LRRIQ3: variants seen among roughly 807,000 people sequenced by gnomAD.
LRRIQ3 encodes the protein leucine rich repeats and IQ motif containing 3, also known as leucine-rich repeat and IQ domain-containing protein 3.
Under a neutral mutation model 59.3 loss-of-function variants are expected in LRRIQ3, and 75 were observed. The observed-to-expected ratio is 1.26, with a 90% CI of 1.05 to 1.53. The LOEUF (loss-of-function observed/expected upper bound fraction) is 1.53, where lower values mean the gene tolerates loss of function less well. LRRIQ3 is among the 40% of genes most tolerant of loss of function. LRRIQ3 has a pLI of 0.00. For synonymous variants in LRRIQ3, 250 were observed against 231.3 expected (o/e 1.08, Z -0.73); for missense variants, 831 against 710.0 (o/e 1.17, Z -1.94).
At chr1:74,102,957 C>G (rs1357876688) in intron 5 of LRRIQ3, among the ~76,000 whole-genome samples, 2 of 151,954 alleles carry the variant, frequency 1.3e-5, no homozygotes, top group Non-Finnish European at 2.9e-5. Context: ...CCCTTCTAAG[C>G]CATCAATATT....
intron 3 of LRRIQ3, among the ~76,000 whole-genome samples, chr1:74,162,285 A>T (rs1358528220): frequency 6.6e-6 from 1 of 151,880 alleles, no homozygotes; most frequent in African/African-American, 2.4e-5. Context: ...CCAAACTAAT[A>T]TAATGTAAAA....
intron 6 of LRRIQ3, among the ~76,000 whole-genome samples, chr1:74,055,458 T>C (rs963605699): frequency 7.2e-5 from 11 of 152,040 alleles, no homozygotes; most frequent in Admixed American, 1.3e-4. Flanking sequence ...AAATATGTGT[T>C]TTTTGTGTCT....
intron 3 of LRRIQ3, among the ~76,000 whole-genome samples, chr1:74,168,201 C>G (rs550443833): frequency 6.6e-6 from 1 of 152,122 alleles, no homozygotes; most frequent in East Asian, 1.9e-4. Flanking sequence ...ACATCTCCAA[C>G]TATATTTGTA....
intron 4 of LRRIQ3, chr1:74,144,455 C>T: frequency 3.0e-6 from 1 of 328,918 alleles, no homozygotes; most frequent in Non-Finnish European, 6.1e-6. Flanking sequence ...ATTTTTCTAT[C>T]AACTTAAAAA....
chr1:74,112,422 G>A (rs970385499), intron 4 of LRRIQ3, among the ~76,000 whole-genome samples: 1 of 152,126 alleles, frequency 6.6e-6, no homozygotes, highest in African/African-American at 2.4e-5. Context: ...AAGTTTTCCA[G>A]AGAAAAACAG....
chr1:74,169,074 C>T (rs1309813349), intron 3 of LRRIQ3, among the ~76,000 whole-genome samples: 1 of 152,116 alleles, frequency 6.6e-6, no homozygotes, highest in Non-Finnish European at 1.5e-5. Flanking sequence ...AACAACACTT[C>T]CCACGGTGTC....
chr1:74,193,297 A>C (rs1402533514), intron 1 of LRRIQ3, among the ~76,000 whole-genome samples: 3 of 152,184 alleles, frequency 2.0e-5, no homozygotes, highest in African/African-American at 7.2e-5. Context: ...CTCCAACCAC[A>C]GTTTCAAAGA....
At chr1:74,031,126 G>C (rs939310214) in intron 7 of LRRIQ3, among the ~76,000 whole-genome samples, 1 of 152,152 alleles carries the variant, frequency 6.6e-6, no homozygotes, top group African/African-American at 2.4e-5. Flanking sequence ...GTGCTGGAGA[G>C]GATGTGGAGA....
chr1:74,166,315 C>T (rs1336462861), intron 3 of LRRIQ3, among the ~76,000 whole-genome samples: 1 of 151,092 alleles, frequency 6.6e-6, no homozygotes, highest in Non-Finnish European at 1.5e-5. Flanking sequence ...AGAAGTGTTT[C>T]ATTTCATCCA....
chr1:74,173,040 G>A (rs894429457), intron 3 of LRRIQ3, among the ~76,000 whole-genome samples: 3 of 152,018 alleles, frequency 2.0e-5, no homozygotes, highest in Admixed American at 6.6e-5. Context: ...AGTGGCTCAC[G>A]CCTGTAATCC....
intron 6 of LRRIQ3, among the ~76,000 whole-genome samples, chr1:74,057,017 G>A (rs1315636176): frequency 6.6e-6 from 1 of 152,026 alleles, no homozygotes; most frequent in African/African-American, 2.4e-5. Flanking sequence ...CTTTGCCTTC[G>A]CTATGATTGT....
rs998073381 is a variant in LRRIQ3 at position 74,082,511 on chromosome 1, T to C, written c.868-7721A>G. ...TCTTTTTTCTTAACAATAAAATACA[T>C]AGCTCAAGACTCTATATTTCTAAGT... On this transcript the variant is annotated intron_variant, in intron 5 of 7. Coordinates refer to ENST00000354431, the MANE Select transcript of LRRIQ3 (RefSeq NM_001105659.2). The C allele has an allele frequency of 4.6e-5, 7 of 151,672 alleles. No homozygotes were observed. In the South Asian group the frequency reaches 1.0e-3, roughly 22 times the overall value. 9.4% of individuals were successfully genotyped at this position (151,672 alleles called of 1,614,324 possible). A position where few individuals can be genotyped will look rare whatever the true frequency, so the allele number is the denominator to read the frequency against.
chr1:74,043,367 AAGGGC>A (rs1654105608), intron 6 of LRRIQ3, among the ~76,000 whole-genome samples: 1 of 152,112 alleles, frequency 6.6e-6, no homozygotes, highest in Non-Finnish European at 1.5e-5. Flanking sequence ...AACTATGAAG[AAGGGC>A]AGGGCTTGTA....
At position 74,041,682 on chromosome 1, in the gene LRRIQ3, G is replaced by A; in HGVS notation, c.1249C>T (p.Leu417Phe). ...FFAPQRAGMK[L>F]RTFSDIDKYY... ...TTGTCAATATCACTAAATGTTCGGA[G>A]TTTCATACCAGCTCTTTGTGGTGCA... The change falls in exon 7 of 8, where the codon CTC becomes TTC. Residue 417 changes from leucine to phenylalanine, a missense_variant. Leu to Phe is a conservative substitution (Grantham distance 22). Coordinates refer to ENST00000354431, the MANE Select transcript of LRRIQ3 (RefSeq NM_001105659.2). 1.2e-6 allele frequency: 2 copies of A among 1,613,502 alleles called. No individual in the cohort carries two copies. Among genetic ancestry groups the A allele is most frequent in the Non-Finnish European group, 1.7e-6 (2 of 1,179,782 alleles).
chr1:74,141,856 C>A (rs1448725286), intron 4 of LRRIQ3, among the ~76,000 whole-genome samples: 1 of 151,760 alleles, frequency 6.6e-6, no homozygotes, highest in Non-Finnish European at 1.5e-5. Flanking sequence ...ACTGGAGTAT[C>A]AACTGAAAAG....
chr1:74,113,340 G>A (rs1234765450), intron 4 of LRRIQ3, among the ~76,000 whole-genome samples: 1 of 151,750 alleles, frequency 6.6e-6, no homozygotes, highest in African/African-American at 2.4e-5. Flanking sequence ...AATAGAGACA[G>A]AGAGAAAAAG....
At chr1:74,130,622 G>A (rs147292484) in intron 4 of LRRIQ3, among the ~76,000 whole-genome samples, 287 of 152,078 alleles carry the variant, frequency 1.9e-3, no homozygotes, top group Non-Finnish European at 3.3e-3. Flanking sequence ...TTTTTGTGCC[G>A]ATAGTTCTTC....
At chr1:74,150,070 G>A (rs1265512038) in intron 4 of LRRIQ3, among the ~76,000 whole-genome samples, 2 of 152,204 alleles carry the variant, frequency 1.3e-5, no homozygotes, top group Admixed American at 6.5e-5. Flanking sequence ...TAAAATTGCT[G>A]TTATAATCAG....
At chr1:74,131,332 T>A (rs1009635506) in intron 4 of LRRIQ3, among the ~76,000 whole-genome samples, 2 of 152,068 alleles carry the variant, frequency 1.3e-5, no homozygotes, top group African/African-American at 4.8e-5. Flanking sequence ...CTGAAAATAT[T>A]CCAATCAATA....
Sources: gnomAD v4.1 joint callset for allele counts (sites outside exome capture counted in the v4.1 genomes callset) on GRCh38, gnomAD v4.1.1 for gene constraint, MANE v1.5 for transcripts, NCBI Gene and HGNC (gene_info 2026-07-23, HGNC 2026-07-21) for gene names.